The following DLG2 variants were observed in gnomAD, a reference collection of about 807,000 sequenced individuals.
DLG2 encodes disks large homolog 2.
Under a neutral mutation model 132.5 loss-of-function variants are expected in DLG2, and 45 were observed. The observed-to-expected ratio is 0.34, with a 90% CI of 0.27 to 0.44. The LOEUF is 0.44. DLG2 is among the 20% of genes least tolerant of loss of function. The pLI is 1.00. For synonymous variants in DLG2, 424 were observed against 419.6 expected (o/e 1.01, Z -0.13); for missense variants, 1,045 against 1,196.9 (o/e 0.87, Z 1.87).
chr11:85,080,194 G>T (rs540863663), intron 6 of DLG2, among the ~76,000 whole-genome samples: 30 of 152,040 alleles, frequency 2.0e-4, no homozygotes, highest in Non-Finnish European at 4.1e-4. Context: ...ATTTTTAGTA[G>T]TGGGGTGGGG....
At chr11:85,018,027 C>A (rs768014766) in intron 6 of DLG2, among the ~76,000 whole-genome samples, 5 of 152,234 alleles carry the variant, frequency 3.3e-5, no homozygotes, top group Middle Eastern at 3.4e-3. Context: ...ATGTGAGATA[C>A]CCTTTTAGAG....
chr11:83,892,393 A>C (rs2070190823), intron 15 of DLG2, among the ~76,000 whole-genome samples: 1 of 152,204 alleles, frequency 6.6e-6, no homozygotes, highest in South Asian at 2.1e-4. Context: ...ACAGCTTGAT[A>C]ATATTTAGTA....
intron 5 of DLG2, among the ~76,000 whole-genome samples, chr11:85,113,249 G>T (rs1594379310): frequency 6.6e-6 from 1 of 152,106 alleles, no homozygotes; most frequent in East Asian, 1.9e-4. Flanking sequence ...TCACAACTGT[G>T]AAACAGTGTT....
At chr11:84,889,150 C>A (rs1183354923) in intron 6 of DLG2, among the ~76,000 whole-genome samples, 1 of 152,262 alleles carries the variant, frequency 6.6e-6, no homozygotes, top group African/African-American at 2.4e-5. Context: ...TTCATGGAGT[C>A]TACCATGGCT....
intron 6 of DLG2, among the ~76,000 whole-genome samples, chr11:84,565,425 T>C (rs1237427922): frequency 1.3e-5 from 2 of 152,180 alleles, no homozygotes; most frequent in Non-Finnish European, 2.9e-5. Flanking sequence ...TTCCACCTCA[T>C]GGAACTTTCA....
intron 19 of DLG2, among the ~76,000 whole-genome samples, chr11:83,607,681 A>C (rs191713596): frequency 6.6e-6 from 1 of 152,372 alleles, no homozygotes; most frequent in Non-Finnish European, 1.5e-5. Context: ...TAGCAACTCT[A>C]TTCATAAGAG....
chr11:85,520,377 C>T (rs755677938), intron 3 of DLG2, among the ~76,000 whole-genome samples: 1 of 152,098 alleles, frequency 6.6e-6, no homozygotes, highest in Non-Finnish European at 1.5e-5. Context: ...ACTCCATGCT[C>T]ATGGATTGGA....
intron 18 of DLG2, among the ~76,000 whole-genome samples, chr11:83,697,524 A>C (rs1217815986): frequency 2.0e-5 from 3 of 152,182 alleles, no homozygotes; most frequent in Admixed American, 1.3e-4. Context: ...AAGCCAGAGT[A>C]AGTTCAGTTT....
chr11:85,184,347 CCT>C (rs896095002), intron 4 of DLG2, among the ~76,000 whole-genome samples: 2 of 149,632 alleles, frequency 1.3e-5, no homozygotes, highest in African/African-American at 4.9e-5. Flanking sequence ...AAGAGATTTT[CCT>C]TTTTTTTTTT....
chr11:84,842,637 C>T (rs1055013851), intron 6 of DLG2, among the ~76,000 whole-genome samples: 4 of 151,944 alleles, frequency 2.6e-5, no homozygotes, highest in South Asian at 4.1e-4. Context: ...TACCTACCTA[C>T]CAGCTCAAGT....
At chr11:84,626,419 C>T (rs1298629861) in intron 6 of DLG2, among the ~76,000 whole-genome samples, 2 of 152,148 alleles carry the variant, frequency 1.3e-5, no homozygotes, top group Non-Finnish European at 2.9e-5. Flanking sequence ...CTGGAATCCT[C>T]CTCCACATCA....
chr11:83,988,350 G>T (rs1297296832), intron 11 of DLG2, among the ~76,000 whole-genome samples: 1 of 151,896 alleles, frequency 6.6e-6, no homozygotes, highest in Non-Finnish European at 1.5e-5. Flanking sequence ...TTCTGCATGT[G>T]GCTAGCTATG....
At chr11:84,727,472 T>A (rs1399184824) in intron 6 of DLG2, among the ~76,000 whole-genome samples, 1 of 152,184 alleles carries the variant, frequency 6.6e-6, no homozygotes, top group Non-Finnish European at 1.5e-5. Context: ...TTGCTTCCAG[T>A]ACCATGCTGT....
At chr11:84,870,448 C>A (rs2085301972) in intron 6 of DLG2, among the ~76,000 whole-genome samples, 1 of 152,082 alleles carries the variant, frequency 6.6e-6, no homozygotes, top group African/African-American at 2.4e-5. Flanking sequence ...TTTGAAAAGG[C>A]CTGTTATGGT....
intron 3 of DLG2, among the ~76,000 whole-genome samples, chr11:85,394,664 G>C (rs2087125490): frequency 6.6e-6 from 1 of 152,130 alleles, no homozygotes; most frequent in Non-Finnish European, 1.5e-5. Context: ...ATGAATCACT[G>C]AATAAGGCCC....
intron 6 of DLG2, among the ~76,000 whole-genome samples, chr11:84,715,706 T>C (rs913041338): frequency 2.6e-5 from 4 of 152,136 alleles, no homozygotes; most frequent in African/African-American, 9.7e-5. Context: ...GTTATCCTTC[T>C]TTTCAAAGGT....
At chr11:83,817,318 G>T (rs951070336) in intron 17 of DLG2, among the ~76,000 whole-genome samples, 1 of 152,100 alleles carries the variant, frequency 6.6e-6, no homozygotes, top group Non-Finnish European at 1.5e-5. Flanking sequence ...AACAATCTAA[G>T]ATTTGAAGGA....
intron 3 of DLG2, among the ~76,000 whole-genome samples, chr11:85,555,897 T>G (rs2076919800): frequency 6.6e-6 from 1 of 151,894 alleles, no homozygotes; most frequent in Middle Eastern, 3.2e-3. Context: ...AAATTGTCTA[T>G]ACCTCCCATT....
intron 6 of DLG2, among the ~76,000 whole-genome samples, chr11:85,090,795 T>A (rs1417372788): frequency 6.6e-6 from 1 of 152,230 alleles, no homozygotes; most frequent in Non-Finnish European, 1.5e-5. Context: ...CTTAGCCCAT[T>A]TGTGTTGTTA....
Sources: allele counts gnomAD v4.1 joint callset (sites outside exome capture counted in the v4.1 genomes callset), GRCh38; gene constraint gnomAD v4.1.1; transcripts MANE v1.5; gene names NCBI Gene and HGNC (gene_info 2026-07-23, HGNC 2026-07-21).